Variants in PCCA observed in about 807,000 individuals in gnomAD.
PCCA encodes propionyl-CoA carboxylase alpha chain, mitochondrial.
In PCCA, 74 loss-of-function variants were observed where a neutral mutation model predicts 101.3. The ratio of observed to expected loss-of-function variants is 0.73; its 90% CI spans 0.61 to 0.89. The LOEUF (loss-of-function observed/expected upper bound fraction) is 0.89, where lower values mean the gene tolerates loss of function less well. Ranked by LOEUF, PCCA falls within the 40% of genes least tolerant of loss-of-function variation. The probability of loss-of-function intolerance (pLI) is 0.00; values close to 1 mark genes in which losing one functional copy is unlikely to be tolerated. For synonymous variants in PCCA, 294 were observed against 313.6 expected, an observed-to-expected ratio of 0.94 and a Z score of 0.66; for missense variants, 891 against 907.0, an observed-to-expected ratio of 0.98 and a Z score of 0.23.
At chr13:100,398,256 T>G (rs750191540) in intron 19 of PCCA, among the ~76,000 whole-genome samples, 3 of 152,200 alleles carry the variant, frequency 2.0e-5, no homozygotes, top group Non-Finnish European at 4.4e-5. Context: ...AAAATTTTAA[T>G]CTAAATCAAG....
chr13:100,426,013 G>GT (rs1193319755), intron 20 of PCCA, among the ~76,000 whole-genome samples: 134 of 146,140 alleles, frequency 9.2e-4, no homozygotes, highest in East Asian at 2.0e-3. Flanking sequence ...TAGATTAGCT[G>GT]TTTTTTTTTT....
At chr13:100,491,659 A>G in intron 21 of PCCA, 1 of 1,304,298 alleles carries the variant, frequency 7.7e-7, no homozygotes, top group Non-Finnish European at 1.0e-6. Flanking sequence ...GCCCTGGAGA[A>G]AGCTTCTGGA....
intron 1 of PCCA, among the ~76,000 whole-genome samples, chr13:100,094,792 C>T (rs955213407): frequency 2.0e-5 from 3 of 152,096 alleles, no homozygotes; most frequent in Admixed American, 6.5e-5. Flanking sequence ...TTCACCATGT[C>T]GGCCTGGCTG....
At chr13:100,421,954 G>C (rs2078792656) in intron 19 of PCCA, among the ~76,000 whole-genome samples, 1 of 151,942 alleles carries the variant, frequency 6.6e-6, no homozygotes, top group Non-Finnish European at 1.5e-5. Context: ...CAAAGTGCTG[G>C]GATTACAGGC....
At chr13:100,325,172 C>CT (rs902291750) in intron 16 of PCCA, among the ~76,000 whole-genome samples, 13 of 152,190 alleles carry the variant, frequency 8.5e-5, no homozygotes, top group South Asian at 6.2e-4. Context: ...AAATCTTGCA[C>CT]TTTTTTGTGA....
chr13:100,462,055 A>C (rs1383116367), intron 21 of PCCA, among the ~76,000 whole-genome samples: 1 of 152,156 alleles, frequency 6.6e-6, no homozygotes, highest in Non-Finnish European at 1.5e-5. Flanking sequence ...TCTGATGTTC[A>C]GATATATTTT....
At chr13:100,498,057 A>G (rs1566460853) in intron 21 of PCCA, among the ~76,000 whole-genome samples, 1 of 151,712 alleles carries the variant, frequency 6.6e-6, no homozygotes, top group African/African-American at 2.4e-5. Context: ...TGTAGAGACA[A>G]GGTCTTGCTA....
chr13:100,451,776 CTCTCT>C (rs2152928422), intron 21 of PCCA, among the ~76,000 whole-genome samples: 1 of 118,494 alleles, frequency 8.4e-6, no homozygotes, highest in East Asian at 3.0e-4. Flanking sequence ...TCTTCCTCTC[CTCTCT>C]GTCCTCTTCC....
chr13:100,241,749 G>A (rs906041045), intron 8 of PCCA, among the ~76,000 whole-genome samples: 2 of 152,150 alleles, frequency 1.3e-5, no homozygotes, highest in East Asian at 3.8e-4. Flanking sequence ...ATAGACATGA[G>A]CCACTGCACC....
intron 18 of PCCA, among the ~76,000 whole-genome samples, chr13:100,356,439 A>C (rs1360593254): frequency 2.0e-5 from 3 of 152,186 alleles, no homozygotes; most frequent in Non-Finnish European, 4.4e-5. Flanking sequence ...AAAGATAGGC[A>C]AAGGACATGA....
At chr13:100,295,338 G>C (rs1363155573) in intron 12 of PCCA, among the ~76,000 whole-genome samples, 1 of 152,134 alleles carries the variant, frequency 6.6e-6, no homozygotes, top group Non-Finnish European at 1.5e-5. Flanking sequence ...TAATGGGACA[G>C]TTTCCTCATA....
chr13:100,289,872 G>T (rs117805311), intron 12 of PCCA, among the ~76,000 whole-genome samples: 2,142 of 151,760 alleles, frequency 0.014, 28 homozygotes, highest in Non-Finnish European at 0.024. Context: ...TTCATTATTT[G>T]CTATATCTTC....
chr13:100,190,969 C>T (rs572737438), intron 6 of PCCA, among the ~76,000 whole-genome samples: 1 of 151,286 alleles, frequency 6.6e-6, no homozygotes, highest in Non-Finnish European at 1.5e-5. Flanking sequence ...TGGTGGTGTG[C>T]GCCTGTAGTC....
intron 1 of PCCA, among the ~76,000 whole-genome samples, 189 bp from the exon 2 acceptor site, chr13:100,102,694 T>C (rs951117609): frequency 1.3e-5 from 2 of 152,230 alleles, no homozygotes; most frequent in Admixed American, 1.3e-4. Flanking sequence ...TTTTGGTTTC[T>C]CTTACATACC....
At chr13:100,414,143 A>G (rs1195088521) in intron 19 of PCCA, among the ~76,000 whole-genome samples, 2 of 152,208 alleles carry the variant, frequency 1.3e-5, no homozygotes, top group Admixed American at 6.5e-5. Context: ...ACACATGGAT[A>G]TTTAATATAA....
intron 6 of PCCA, among the ~76,000 whole-genome samples, chr13:100,205,601 T>G (rs1395297168): frequency 7.0e-6 from 1 of 143,184 alleles, no homozygotes; most frequent in African/African-American, 2.6e-5. Context: ...CAAATTAGAA[T>G]GCACAAGAAA....
chr13:100,178,169 C>G (rs2056419392), intron 6 of PCCA, among the ~76,000 whole-genome samples: 1 of 152,078 alleles, frequency 6.6e-6, no homozygotes, highest in South Asian at 2.1e-4. Context: ...TAATTTGATT[C>G]AGGAAATCTA....
chr13:100,309,312 G>C (rs531202203), intron 15 of PCCA, among the ~76,000 whole-genome samples: 1 of 152,304 alleles, frequency 6.6e-6, no homozygotes, highest in African/African-American at 2.4e-5. Flanking sequence ...CGAGAGGATC[G>C]CTTGAACCTG....
intron 19 of PCCA, among the ~76,000 whole-genome samples, chr13:100,379,230 T>C (rs1391643363): frequency 6.6e-6 from 1 of 152,086 alleles, no homozygotes; most frequent in East Asian, 1.9e-4. Context: ...GTGATTTCTT[T>C]AGTGGCTTAG....
Sources: gnomAD v4.1 joint callset for allele counts (sites outside exome capture counted in the v4.1 genomes callset) on GRCh38, gnomAD v4.1.1 for gene constraint, MANE v1.5 for transcripts, NCBI Gene and HGNC (gene_info 2026-07-23, HGNC 2026-07-21) for gene names.